The following NRG1 variants were observed in gnomAD, a reference collection of about 807,000 sequenced individuals.
The protein encoded by NRG1 is pro-neuregulin-1, membrane-bound isoform.
NRG1 carries 18 observed loss-of-function variants against 63.8 expected under a neutral mutation model. That is an observed-to-expected ratio of 0.28 (90% CI 0.19 to 0.42). The LOEUF (loss-of-function observed/expected upper bound fraction) is 0.42, where lower values mean the gene tolerates loss of function less well. NRG1 is among the 10% of genes least tolerant of loss of function. NRG1 has a pLI of 1.00. For missense variants in NRG1, 762 were observed against 814.7 expected, an observed-to-expected ratio of 0.94 and a Z score of 0.79; for synonymous variants, 302 against 301.3, an observed-to-expected ratio of 1.00 and a Z score of -0.02.
chr8:31,742,605 C>T (rs543088386), intron 1 of NRG1, among the ~76,000 whole-genome samples: 3 of 151,450 alleles, frequency 2.0e-5, no homozygotes, highest in South Asian at 4.2e-4. Context: ...TTTATGCTAG[C>T]TGCAATGCTA....
At chr8:32,244,436 T>C (rs1315146760) in intron 1 of NRG1, among the ~76,000 whole-genome samples, 2 of 152,236 alleles carry the variant, frequency 1.3e-5, no homozygotes, top group East Asian at 3.9e-4. Context: ...ATTTGAGAAG[T>C]AGAATGGTAT....
intron 1 of NRG1, among the ~76,000 whole-genome samples, chr8:32,520,626 T>C (rs760760172): frequency 1.6e-4 from 24 of 152,350 alleles, no homozygotes; most frequent in Middle Eastern, 6.8e-3. Flanking sequence ...TCTAAAGTCA[T>C]ATGAGTATAT....
At chr8:32,116,796 C>A (rs1221814933) in intron 1 of NRG1, among the ~76,000 whole-genome samples, 1 of 151,774 alleles carries the variant, frequency 6.6e-6, no homozygotes, top group Non-Finnish European at 1.5e-5. Flanking sequence ...CTTAATGGAA[C>A]CATATTTTGT....
At chr8:32,526,534 A>G (rs761343251) in intron 1 of NRG1, among the ~76,000 whole-genome samples, 1 of 152,182 alleles carries the variant, frequency 6.6e-6, no homozygotes, top group Non-Finnish European at 1.5e-5. Flanking sequence ...CAAGAGGCAG[A>G]TTAGAGGCTA....
chr8:31,858,087 CAGG>C (rs1828098388), intron 1 of NRG1, among the ~76,000 whole-genome samples: 1 of 152,114 alleles, frequency 6.6e-6, no homozygotes, highest in Non-Finnish European at 1.5e-5. Flanking sequence ...ATCATGAGGT[CAGG>C]AGATCGAGAT....
At chr8:32,640,245 TCACACACACACA>T (rs111977984) in intron 5 of NRG1, among the ~76,000 whole-genome samples, 39 of 147,648 alleles carry the variant, frequency 2.6e-4, no homozygotes, top group South Asian at 6.6e-4. Flanking sequence ...CTTCTTTTTG[TCACACACACACA>T]CACACACACA....
intron 1 of NRG1, among the ~76,000 whole-genome samples, chr8:31,644,597 C>T (rs1804113899): frequency 6.6e-6 from 1 of 152,090 alleles, no homozygotes; most frequent in Non-Finnish European, 1.5e-5. Flanking sequence ...CTTCCTCTGG[C>T]TTGTATATTT....
intron 1 of NRG1, among the ~76,000 whole-genome samples, chr8:32,294,745 C>T (rs1229749719): frequency 2.0e-5 from 3 of 151,800 alleles, no homozygotes; most frequent in Admixed American, 6.5e-5. Context: ...GTATCATTTA[C>T]GAATGGTTTC....
At chr8:32,188,407 A>G (rs1842172427) in intron 1 of NRG1, among the ~76,000 whole-genome samples, 1 of 152,216 alleles carries the variant, frequency 6.6e-6, no homozygotes, top group Non-Finnish European at 1.5e-5. Flanking sequence ...TGGCTGGTCT[A>G]GTAGGCAAAT....
At chr8:32,430,787 G>GTTTTTTTTTTTT (rs35752428) in intron 1 of NRG1, among the ~76,000 whole-genome samples, 1 of 134,152 alleles carries the variant, frequency 7.5e-6, no homozygotes, top group Non-Finnish European at 1.6e-5. Context: ...AATGGTTTGG[G>GTTTTTTTTTTTT]TTTTTTTTTT....
upstream of NRG1, among the ~76,000 whole-genome samples, chr8:32,547,249 T>G (rs1219699127): frequency 6.6e-6 from 1 of 152,144 alleles, no homozygotes; most frequent in Non-Finnish European, 1.5e-5. Flanking sequence ...TTCCTTGCTC[T>G]TTAGAATTCT....
chr8:31,980,079 T>A (rs1808829373), intron 1 of NRG1, among the ~76,000 whole-genome samples: 1 of 152,086 alleles, frequency 6.6e-6, no homozygotes, highest in African/African-American at 2.4e-5. Context: ...ATGGATTTAC[T>A]GAGAAGTAAC....
chr8:32,549,699 G>A (rs186444191), intron 1 of NRG1, among the ~76,000 whole-genome samples: 217 of 152,244 alleles, frequency 1.4e-3, no homozygotes, highest in Non-Finnish European at 2.6e-3. Flanking sequence ...ATCAGAACAC[G>A]AGCATGAACA....
intron 1 of NRG1, among the ~76,000 whole-genome samples, chr8:32,339,526 T>C (rs1803775267): frequency 6.6e-6 from 1 of 152,182 alleles, no homozygotes; most frequent in African/African-American, 2.4e-5. Context: ...TGCATTTGTG[T>C]TTTGTTGTTT....
At chr8:31,756,426 C>G (rs1204810296) in intron 1 of NRG1, among the ~76,000 whole-genome samples, 1 of 152,076 alleles carries the variant, frequency 6.6e-6, no homozygotes, top group Admixed American at 6.6e-5. Flanking sequence ...AAGTCAACCT[C>G]CTGGACACAG....
chr8:32,098,536 A>G (rs1158729957), intron 1 of NRG1: 1 of 152,160 alleles, frequency 6.6e-6, no homozygotes, highest in Non-Finnish European at 1.5e-5. Context: ...CCTTGACTCT[A>G]TTAGGTGAAA....
intron 1 of NRG1, among the ~76,000 whole-genome samples, chr8:31,785,703 C>A (rs1211708413): frequency 6.6e-6 from 1 of 152,124 alleles, no homozygotes; most frequent in African/African-American, 2.4e-5. Context: ...TTAAAAAAAT[C>A]TTGCATTATT....
chr8:32,480,995 A>G (rs2129492921), intron 1 of NRG1, among the ~76,000 whole-genome samples: 1 of 152,318 alleles, frequency 6.6e-6, no homozygotes, highest in Non-Finnish European at 1.5e-5. Flanking sequence ...TATGCATCAC[A>G]TTGTGCCCTA....
At chr8:31,964,897 G>A (rs1375484998) in intron 1 of NRG1, among the ~76,000 whole-genome samples, 1 of 152,154 alleles carries the variant, frequency 6.6e-6, no homozygotes, top group African/African-American at 2.4e-5. Flanking sequence ...TGACTCCAAA[G>A]CTCATGGTGA....
Sources: gnomAD v4.1 joint callset for allele counts (sites outside exome capture counted in the v4.1 genomes callset) on GRCh38, gnomAD v4.1.1 for gene constraint, MANE v1.5 for transcripts, NCBI Gene and HGNC (gene_info 2026-07-23, HGNC 2026-07-21) for gene names.